PDZD8: variants seen among roughly 807,000 people sequenced by gnomAD.
The protein encoded by PDZD8 is PDZ domain containing 8.
In PDZD8, 14 loss-of-function variants were observed where a neutral mutation model predicts 85.8. The observed-to-expected ratio is 0.16, with a 90% CI of 0.11 to 0.26. PDZD8 has a LOEUF of 0.26. Among genes scored for constraint, PDZD8 ranks in the 10% least tolerant of loss-of-function variants. The pLI is 1.00. For synonymous variants in PDZD8, 592 were observed against 568.6 expected (o/e 1.04, Z -0.59); for missense variants, 1,197 against 1,424.3 (o/e 0.84, Z 2.57).
chr10:117,351,647 G>A (rs2133864244), intron 1 of PDZD8, among the ~76,000 whole-genome samples: 1 of 152,198 alleles, frequency 6.6e-6, no homozygotes, highest in East Asian at 1.9e-4. Context: ...ACACTTTTCA[G>A]GTGGTGAGTT....
At chr10:117,330,970 A>G (rs1844411817) in intron 2 of PDZD8, among the ~76,000 whole-genome samples, 3 of 152,182 alleles carry the variant, frequency 2.0e-5, no homozygotes, top group Admixed American at 2.0e-4. Flanking sequence ...GAAGTTTTCC[A>G]TGGTAGTGTC....
At chr10:117,291,831 A>G (rs937886684) in intron 3 of PDZD8, among the ~76,000 whole-genome samples, 4 of 144,124 alleles carry the variant, frequency 2.8e-5, no homozygotes, top group African/African-American at 1.0e-4. Context: ...TCATCATGCT[A>G]TGTGTCCTCA....
At chr10:117,343,012 G>A (rs1844642848) in intron 1 of PDZD8, among the ~76,000 whole-genome samples, 1 of 151,986 alleles carries the variant, frequency 6.6e-6, no homozygotes, top group South Asian at 2.1e-4. Flanking sequence ...CCTCTAAATT[G>A]CGTGCATTTA....
At chr10:117,358,910 T>C (rs1371088763) in intron 1 of PDZD8, among the ~76,000 whole-genome samples, 1 of 152,220 alleles carries the variant, frequency 6.6e-6, no homozygotes, top group African/African-American at 2.4e-5. Flanking sequence ...GATGAATTCC[T>C]ACAGACATGT....
chr10:117,361,948 T>C (rs11197966), intron 1 of PDZD8, among the ~76,000 whole-genome samples: 4,254 of 152,254 alleles, frequency 0.028, 221 homozygotes, highest in African/African-American at 0.099. Context: ...TACTATGCCA[T>C]TTTATATCAG....
At chr10:117,297,806 CA>C (rs954679962) in intron 3 of PDZD8, among the ~76,000 whole-genome samples, 2 of 152,016 alleles carry the variant, frequency 1.3e-5, no homozygotes, top group African/African-American at 2.4e-5. Context: ...TGATTGTATA[CA>C]ATTACCAAAA....
At chr10:117,315,599 A>AAC (rs1554853449) in intron 3 of PDZD8, among the ~76,000 whole-genome samples, 2 of 143,432 alleles carry the variant, frequency 1.4e-5, no homozygotes, top group African/African-American at 5.3e-5. Context: ...AAAAAAAAAA[A>AAC]AAAAAAAAAA....
At chr10:117,365,305 G>C (rs1845069006) in intron 1 of PDZD8, among the ~76,000 whole-genome samples, 1 of 151,892 alleles carries the variant, frequency 6.6e-6, no homozygotes. Context: ...AAATGAAGTA[G>C]GTATATATAG....
chr10:117,373,145 T>C (rs935229536), intron 1 of PDZD8, among the ~76,000 whole-genome samples: 9 of 152,070 alleles, frequency 5.9e-5, no homozygotes, highest in East Asian at 3.9e-4. Context: ...CCTCTAGCCC[T>C]AAAAAAGTCT....
chr10:117,349,404 GCA>G (rs2133860437), intron 1 of PDZD8, among the ~76,000 whole-genome samples: 2 of 152,310 alleles, frequency 1.3e-5, no homozygotes, highest in Admixed American at 1.3e-4. Context: ...ACATAAATCT[GCA>G]TATTAGACAG....
chr10:117,373,161 C>T (rs1014676099), intron 1 of PDZD8, among the ~76,000 whole-genome samples: 2 of 152,148 alleles, frequency 1.3e-5, no homozygotes, highest in Non-Finnish European at 2.9e-5. Context: ...AGTCTTTCCC[C>T]TTCCACTCCT....
intron 3 of PDZD8, among the ~76,000 whole-genome samples, chr10:117,295,830 A>T (rs763354815): frequency 2.6e-5 from 4 of 152,188 alleles, no homozygotes; most frequent in African/African-American, 7.2e-5. Flanking sequence ...TAGAAGTATA[A>T]GAGAACTTCC....
At chr10:117,295,557 AAAG>A (rs1843741503) in intron 3 of PDZD8, among the ~76,000 whole-genome samples, 1 of 152,190 alleles carries the variant, frequency 6.6e-6, no homozygotes. Flanking sequence ...GTGAATTCTG[AAAG>A]AAAAAATAAA....
At chr10:117,357,918 C>T (rs185213573) in intron 1 of PDZD8, among the ~76,000 whole-genome samples, 22 of 149,918 alleles carry the variant, frequency 1.5e-4, no homozygotes, top group Admixed American at 6.0e-4. Context: ...AAAATATGAG[C>T]GCTACATACT....
intron 1 of PDZD8, among the ~76,000 whole-genome samples, chr10:117,347,473 G>C (rs1844728242): frequency 6.6e-6 from 1 of 152,128 alleles, no homozygotes; most frequent in East Asian, 1.9e-4. Context: ...AAATGTATTT[G>C]ATTGAAGTCT....
At chr10:117,364,187 T>TGTGA (rs1461722828) in intron 1 of PDZD8, among the ~76,000 whole-genome samples, 1 of 149,732 alleles carries the variant, frequency 6.7e-6, no homozygotes, top group Non-Finnish European at 1.5e-5. Flanking sequence ...TATGGGTGTG[T>TGTGA]GTGTGTGTGT....
intron 1 of PDZD8, among the ~76,000 whole-genome samples, chr10:117,344,055 G>A (rs1210848193): frequency 6.6e-6 from 1 of 152,040 alleles, no homozygotes; most frequent in Non-Finnish European, 1.5e-5. Flanking sequence ...AAAAATGTCA[G>A]TTTTCTCACT....
chr10:117,357,466 A>AC (rs199992658), intron 1 of PDZD8, among the ~76,000 whole-genome samples: 15,981 of 151,894 alleles, frequency 0.11, 1,101 homozygotes, highest in East Asian at 0.34. Context: ...AAAGTCTGTG[A>AC]TTAAAAAAGC....
In PDZD8 at chr10:117,284,700, G is replaced by A. The variant is rs757886155; in HGVS notation, c.2033C>T (p.Thr678Ile). The stretch of plus-strand genomic sequence containing the variant: ...ATAAAGAATTTCTGATGATTCCCAT[G>A]TTTGACGGTCGTCCGAACTGTCCTT... ...PTKDSSDDRQ[T>I]WESSEILYRN... The change falls in exon 5 of 5, where the codon ACA becomes ATA. Residue 678 changes from threonine to isoleucine, a missense_variant. Coordinates refer to ENST00000334464, the MANE Select transcript of PDZD8 (RefSeq NM_173791.5). 1.9e-6 allele frequency: 3 copies of A among 1,614,236 alleles called. No homozygotes were observed. The highest frequency in any genetic ancestry group is 2.5e-6 in the Non-Finnish European group (3 of 1,180,034).
Sources: gnomAD v4.1 joint callset for allele counts (sites outside exome capture counted in the v4.1 genomes callset) on GRCh38, gnomAD v4.1.1 for gene constraint, MANE v1.5 for transcripts, NCBI Gene and HGNC (gene_info 2026-07-23, HGNC 2026-07-21) for gene names.